The following KLHL18 variants were observed in gnomAD, a reference collection of about 807,000 sequenced individuals.
KLHL18 encodes kelch-like protein 18.
In KLHL18, 38 loss-of-function variants were observed where a neutral mutation model predicts 58.5. The ratio of observed to expected loss-of-function variants is 0.65; its 90% CI spans 0.50 to 0.85. KLHL18 has a LOEUF of 0.85. KLHL18 is among the 40% of genes least tolerant of loss of function. KLHL18 has a pLI of 0.00. For missense variants in KLHL18, 624 were observed against 778.4 expected (o/e 0.80, Z 2.36); for synonymous variants, 303 against 301.9 (o/e 1.00, Z -0.04).
intron 8 of KLHL18, among the ~76,000 whole-genome samples, chr3:47,341,969 C>G (rs1704119684): frequency 6.6e-6 from 1 of 151,486 alleles, no homozygotes; most frequent in Admixed American, 6.6e-5. Flanking sequence ...GCCTCTAGTC[C>G]CAGCTACTGA....
intron 1 of KLHL18, among the ~76,000 whole-genome samples, chr3:47,284,283 A>G (rs558243063): frequency 6.6e-6 from 1 of 151,960 alleles, no homozygotes; most frequent in East Asian, 1.9e-4. Flanking sequence ...AAATAAATAA[A>G]TAAAAGAAAA....
intron 1 of KLHL18, 107 bp downstream of exon 1, chr3:47,283,201 G>A: frequency 1.4e-6 from 1 of 731,822 alleles, no homozygotes; most frequent in Admixed American, 2.7e-5. Context: ...GGGGTGGGGA[G>A]AAGAGGTGTG....
intron 1 of KLHL18, chr3:47,287,187 T>A (rs1327611235): frequency 6.6e-6 from 1 of 152,290 alleles, no homozygotes; most frequent in Non-Finnish European, 1.5e-5. Context: ...ACCCTTCTAA[T>A]GTGCTGTCTC....
intron 1 of KLHL18, among the ~76,000 whole-genome samples, chr3:47,294,123 T>C (rs1702847897): frequency 6.6e-6 from 1 of 152,202 alleles, no homozygotes; most frequent in Admixed American, 6.5e-5. Context: ...TTCTAGTGAA[T>C]GAGCCTACTA....
At chr3:47,313,876 G>A (rs1015879769) in intron 1 of KLHL18, among the ~76,000 whole-genome samples, 1 of 151,990 alleles carries the variant, frequency 6.6e-6, no homozygotes, top group Non-Finnish European at 1.5e-5. Flanking sequence ...TCCAAATCTT[G>A]GTTTTCTCAT....
intron 1 of KLHL18, among the ~76,000 whole-genome samples, chr3:47,298,353 T>TAAA (rs36006254): frequency 0.025 from 2,906 of 118,412 alleles, 85 homozygotes; most frequent in African/African-American, 0.046. Context: ...ATCCTGTCTC[T>TAAA]AAAAAAAAAA....
chr3:47,284,222 A>T (rs900961993), intron 1 of KLHL18, among the ~76,000 whole-genome samples: 3 of 151,872 alleles, frequency 2.0e-5, no homozygotes, highest in African/African-American at 7.3e-5. Context: ...ACACAGCAAG[A>T]TCCTATTTCT....
chr3:47,312,217 C>T (rs943299126), intron 1 of KLHL18, among the ~76,000 whole-genome samples: 1 of 152,174 alleles, frequency 6.6e-6, no homozygotes, highest in Non-Finnish European at 1.5e-5. Context: ...CAGCAGCTTC[C>T]ATGTGTATTC....
At chr3:47,291,516 A>C (rs544114529) in intron 1 of KLHL18, among the ~76,000 whole-genome samples, 1 of 152,356 alleles carries the variant, frequency 6.6e-6, no homozygotes, top group East Asian at 1.9e-4. Context: ...ATATAGTTTC[A>C]GTTGCAGCTA....
chr3:47,293,730 G>A (rs765102235), intron 1 of KLHL18, among the ~76,000 whole-genome samples: 1 of 152,166 alleles, frequency 6.6e-6, no homozygotes, highest in Non-Finnish European at 1.5e-5. Flanking sequence ...ATTACAAATA[G>A]CTTTCAAACC....
intron 8 of KLHL18, 112 bp from the exon 9 acceptor site, chr3:47,342,607 T>C: frequency 1.3e-6 from 1 of 788,134 alleles, no homozygotes. Flanking sequence ...GGAGAGGTGA[T>C]AAGAGATGGA....
In KLHL18 at chr3:47,283,099, C is replaced by G. The variant is rs202228687; in HGVS notation, c.129+5C>G. ...CTGTGCGACGTGACCCTCAAGGTAC[C>G]GCGGACTGGGCGGCAGCGGGCTGAG... On this transcript the variant is annotated splice_donor_5th_base_variant and intron_variant, in intron 1 of 9. Coordinates refer to ENST00000232766, the MANE Select transcript of KLHL18 (RefSeq NM_025010.5). 6.4e-7 allele frequency: 1 copy of G among 1,570,152 alleles called. No individual in the cohort carries two copies. The highest frequency in any genetic ancestry group is 8.6e-7 in the Non-Finnish European group (1 of 1,158,330).
At chr3:47,298,354 A>T (rs199804544) in intron 1 of KLHL18, among the ~76,000 whole-genome samples, 32 of 1,154 alleles carry the variant, frequency 0.028, no homozygotes, top group East Asian at 0.23. Context: ...TCCTGTCTCT[A>T]AAAAAAAAAA....
intron 1 of KLHL18, among the ~76,000 whole-genome samples, chr3:47,297,147 C>T (rs1702913685): frequency 1.3e-5 from 2 of 152,184 alleles, no homozygotes; most frequent in Non-Finnish European, 2.9e-5. Context: ...TGTCACTACC[C>T]AGTGGGGCAC....
At chr3:47,306,354 A>G (rs1001838233) in intron 1 of KLHL18, among the ~76,000 whole-genome samples, 1 of 152,214 alleles carries the variant, frequency 6.6e-6, no homozygotes, top group East Asian at 1.9e-4. Flanking sequence ...ATTATTTTCT[A>G]TGTATCAAAT....
intron 7 of KLHL18, among the ~76,000 whole-genome samples, chr3:47,339,747 G>A (rs1704067236): frequency 6.6e-6 from 1 of 152,030 alleles, no homozygotes; most frequent in Admixed American, 6.6e-5. Context: ...TCTTCCAGGA[G>A]CTCCTCACTT....
intron 3 of KLHL18, among the ~76,000 whole-genome samples, chr3:47,325,890 T>A (rs530372376): frequency 6.6e-6 from 1 of 151,748 alleles, no homozygotes; most frequent in Non-Finnish European, 1.5e-5. Flanking sequence ...TGCCTCAGCC[T>A]CCGGAGTAGC....
Position 47,336,757 on chromosome 3 carries a change from G to C in KLHL18, c.1121G>C (p.Ser374Thr). 1 of 1,613,378 alleles carries C rather than the reference G, an allele frequency of 6.2e-7. No individual in the cohort carries two copies. The highest frequency in any genetic ancestry group is 8.5e-7 in the Non-Finnish European group (1 of 1,179,330). ...TRVGSMNSKR[S>T]AMGTVVLDGQ... ...GTGGGGAGCATGAATAGCAAGAGAA[G>C]GTATTCTGGAAGCCACGTGCAGCCC... Residue 374 changes from serine (S) to threonine (T), a missense_variant and splice_region_variant, in exon 7 of 10, where the codon AGT (serine) becomes ACT (threonine). Physicochemically the swap from Ser to Thr is moderately conservative, Grantham distance 58. Coordinates refer to ENST00000232766, the MANE Select transcript of KLHL18 (RefSeq NM_025010.5).
chr3:47,299,595 G>A (rs1002488188), intron 1 of KLHL18, among the ~76,000 whole-genome samples: 3 of 151,956 alleles, frequency 2.0e-5, no homozygotes, highest in African/African-American at 7.3e-5. Context: ...GGGAGGCTGA[G>A]GTAAGAGGAT....
Sources: allele counts gnomAD v4.1 joint callset (sites outside exome capture counted in the v4.1 genomes callset), GRCh38; gene constraint gnomAD v4.1.1; transcripts MANE v1.5; gene names NCBI Gene and HGNC (gene_info 2026-07-23, HGNC 2026-07-21).